The following ELOVL6 variants were observed in gnomAD, a reference collection of about 807,000 sequenced individuals.
ELOVL6 encodes ELOVL fatty acid elongase 6, also known as very long chain fatty acid elongase 6.
A neutral mutation model predicts 31.7 loss-of-function variants in ELOVL6; 8 were observed. The ratio of observed to expected loss-of-function variants is 0.25; its 90% CI spans 0.15 to 0.45. The LOEUF (loss-of-function observed/expected upper bound fraction) is 0.45. Ranked by LOEUF, ELOVL6 falls within the 20% of genes least tolerant of loss-of-function variation. The pLI is 1.00. For missense variants in ELOVL6, 126 were observed against 326.4 expected (o/e 0.39, Z 4.73); for synonymous variants, 101 against 117.7 (o/e 0.86, Z 0.92).
At chr4:110,084,554 A>T (rs1355009503) in intron 2 of ELOVL6, among the ~76,000 whole-genome samples, 1 of 69,986 alleles carries the variant, frequency 1.4e-5, no homozygotes, top group Admixed American at 1.5e-4. Context: ...ACACACACAC[A>T]CACACACAGA....
chr4:110,179,616 A>G (rs1198163384), intron 1 of ELOVL6, among the ~76,000 whole-genome samples: 1 of 152,248 alleles, frequency 6.6e-6, no homozygotes, highest in Non-Finnish European at 1.5e-5. Flanking sequence ...GCTAATATTA[A>G]AGACAACTAG....
At chr4:110,110,560 A>G (rs1191351352) in intron 1 of ELOVL6, among the ~76,000 whole-genome samples, 1 of 151,824 alleles carries the variant, frequency 6.6e-6, no homozygotes, top group Non-Finnish European at 1.5e-5. Flanking sequence ...GGTGCGCCTG[A>G]TTCTTTTAAT....
chr4:110,120,158 A>G (rs1757301738), intron 1 of ELOVL6, among the ~76,000 whole-genome samples: 2 of 152,306 alleles, frequency 1.3e-5, no homozygotes, highest in South Asian at 4.1e-4. Context: ...CAGATTGCTT[A>G]TGCTGGCATG....
At chr4:110,062,936 C>A (rs1755187587) in intron 2 of ELOVL6, among the ~76,000 whole-genome samples, 1 of 152,092 alleles carries the variant, frequency 6.6e-6, no homozygotes, top group Admixed American at 6.5e-5. Flanking sequence ...TTTTTTGAAG[C>A]AATATAAGTA....
Position 110,051,878 on chromosome 4 carries a change from A to G in ELOVL6, c.374-116T>C, listed in dbSNP as rs2126218825. Reference sequence around the variant, plus strand: ...AGGACTGGAGAGTTACATAGACTGGATTAGAACCCTGAACTGGTACTTACT... The same window carrying G: ...AGGACTGGAGAGTTACATAGACTGGGTTAGAACCCTGAACTGGTACTTACT... On this transcript the variant is annotated intron_variant, in intron 3 of 3. Coordinates refer to ENST00000302274, the MANE Select transcript of ELOVL6 (RefSeq NM_024090.3). This position sits in a 1 kb window ranked among gnomAD's most constrained non-coding sequence, Gnocchi z 4.8. 2.4e-6 allele frequency: 2 copies of G among 817,958 alleles called. No homozygotes were observed. Among genetic ancestry groups the G allele is most frequent in the Non-Finnish European group, 1.9e-6 (1 of 513,812 alleles). The allele number at this position is 817,958 out of a possible 1,614,324, so 50.7% of individuals were successfully genotyped here.
chr4:110,045,918 T>A lies in ELOVL6; in HGVS notation c.*5420A>T, dbSNP rs1754688860. 1 of 152,162 alleles carries A rather than the reference T, an allele frequency of 6.6e-6. No individual in the cohort carries two copies. Among genetic ancestry groups the A allele is most frequent in the Non-Finnish European group, 1.5e-5 (1 of 68,030 alleles). 9.4% of individuals were successfully genotyped at this position (152,162 alleles called of 1,614,324 possible). ...CCAGGAAAAAATATTTTTTTTAATG[T>A]CGTGAAATAAGCACTTGAAAATAAC... On this transcript the variant is annotated 3_prime_UTR_variant, in exon 4 of 4. Coordinates refer to ENST00000302274, the MANE Select transcript of ELOVL6 (RefSeq NM_024090.3).
At chr4:110,182,669 G>A (rs2126278343) in intron 1 of ELOVL6, among the ~76,000 whole-genome samples, 1 of 152,298 alleles carries the variant, frequency 6.6e-6, no homozygotes, top group Admixed American at 6.5e-5. Flanking sequence ...AGCACTGTGG[G>A]AGGCCGAGGT....
intron 1 of ELOVL6, among the ~76,000 whole-genome samples, chr4:110,140,425 T>A (rs1378333270): frequency 6.6e-6 from 1 of 152,118 alleles, no homozygotes; most frequent in Non-Finnish European, 1.5e-5. Flanking sequence ...ATTTTTGTTA[T>A]CATTATTATT....
chr4:110,127,099 C>T (rs145943832), intron 1 of ELOVL6, among the ~76,000 whole-genome samples: 2 of 152,088 alleles, frequency 1.3e-5, no homozygotes, highest in East Asian at 3.9e-4. Context: ...CCGTTGTTGC[C>T]ACAATACCAT....
intron 2 of ELOVL6, among the ~76,000 whole-genome samples, chr4:110,061,549 C>CTTTTTTTTTTTGTT (rs1755139254): frequency 1.4e-5 from 1 of 72,366 alleles, no homozygotes; most frequent in Admixed American, 2.2e-4. Context: ...CAAATGATGG[C>CTTTTTTTTTTTGTT]TTTTTTTTTT....
chr4:110,125,427 A>G (rs962390766), intron 1 of ELOVL6, among the ~76,000 whole-genome samples: 8 of 152,318 alleles, frequency 5.3e-5, no homozygotes, highest in Admixed American at 5.2e-4. Flanking sequence ...TCTATGAATG[A>G]AAGACCAAGA....
At chr4:110,174,768 C>A (rs1057269595) in intron 1 of ELOVL6, among the ~76,000 whole-genome samples, 1 of 152,188 alleles carries the variant, frequency 6.6e-6, no homozygotes, top group Non-Finnish European at 1.5e-5. Context: ...TATAACATGA[C>A]CTTTACCTAC....
chr4:110,196,695 T>G (rs1350074533), intron 1 of ELOVL6, among the ~76,000 whole-genome samples: 1 of 152,002 alleles, frequency 6.6e-6, no homozygotes, highest in African/African-American at 2.4e-5. Context: ...AGGCTCCGGC[T>G]CGGGCCAGAC....
In ELOVL6 at chr4:110,176,807, G is replaced by A. The variant is rs879651877; in HGVS notation, c.89+21440C>T. On this transcript the variant is annotated intron_variant, in intron 1 of 3. Coordinates refer to ENST00000302274, the MANE Select transcript of ELOVL6 (RefSeq NM_024090.3). Reference sequence around the variant, plus strand: ...GGCTGGAGTGCAATGGCACGATCTCGGCTCACTGCAACCTGTCTCCCAGGT... The same window carrying A: ...GGCTGGAGTGCAATGGCACGATCTCAGCTCACTGCAACCTGTCTCCCAGGT... 2.0e-4 allele frequency among the ~76,000 whole-genome samples: 30 copies of A among 152,176 alleles called. 1 individual carries two copies. The highest frequency in any genetic ancestry group is 7.2e-4 in the Admixed American group (11 of 15,290).
intron 2 of ELOVL6, among the ~76,000 whole-genome samples, chr4:110,089,243 T>C (rs1756352031): frequency 6.6e-6 from 1 of 152,162 alleles, no homozygotes; most frequent in African/African-American, 2.4e-5. Context: ...GACGGTAGTG[T>C]ATAAAAACGT....
At chr4:110,149,952 C>G (rs937708691) in intron 1 of ELOVL6, among the ~76,000 whole-genome samples, 1 of 152,172 alleles carries the variant, frequency 6.6e-6, no homozygotes, top group African/African-American at 2.4e-5. Context: ...TTTTCTTCCC[C>G]TTAAAACAAG....
chr4:110,193,298 T>C (rs1442336935), intron 1 of ELOVL6, among the ~76,000 whole-genome samples: 1 of 152,240 alleles, frequency 6.6e-6, no homozygotes, highest in Non-Finnish European at 1.5e-5. Context: ...GATATAGATG[T>C]ACAACTCCTT....
chr4:110,072,883 C>A (rs1434496877), intron 2 of ELOVL6, among the ~76,000 whole-genome samples: 2 of 152,124 alleles, frequency 1.3e-5, no homozygotes, highest in Non-Finnish European at 2.9e-5. Flanking sequence ...TCAAAGCCTT[C>A]CAGAGTCCTG....
chr4:110,148,106 T>C (rs1251445664), intron 1 of ELOVL6, among the ~76,000 whole-genome samples: 1 of 114,352 alleles, frequency 8.7e-6, no homozygotes, highest in African/African-American at 3.7e-5. Flanking sequence ...CAAAACTCGG[T>C]CTCAAAAAAA....
Sources: allele counts gnomAD v4.1 joint callset (sites outside exome capture counted in the v4.1 genomes callset), GRCh38; gene constraint gnomAD v4.1.1; non-coding constraint Gnocchi (gnomAD v3.1); transcripts MANE v1.5; gene names NCBI Gene and HGNC (gene_info 2026-07-23, HGNC 2026-07-21).